The following PAWR variants were observed in gnomAD, a reference collection of about 807,000 sequenced individuals.
The protein encoded by PAWR is PRKC apoptosis WT1 regulator protein.
In PAWR, 23 loss-of-function variants were observed where a neutral mutation model predicts 32.0. That is an observed-to-expected ratio of 0.72 (90% confidence interval 0.52 to 1.02). The LOEUF is 1.02. PAWR is among the 50% of genes least tolerant of loss of function. The pLI is 0.00. For synonymous variants in PAWR, 226 were observed against 187.1 expected (o/e 1.21, Z -1.70); for missense variants, 457 against 437.7 (o/e 1.04, Z -0.39).
intron 4 of PAWR, 36 bp from the exon 5 acceptor site, chr12:79,596,694 T>C (rs768047687): frequency 2.1e-6 from 3 of 1,421,212 alleles, no homozygotes; most frequent in East Asian, 4.9e-5. Flanking sequence ...AAATCCCTAG[T>C]ATTCAGCAAG....
At chr12:79,653,759 G>C (rs901540870) in intron 2 of PAWR, among the ~76,000 whole-genome samples, 1 of 152,214 alleles carries the variant, frequency 6.6e-6, no homozygotes, top group East Asian at 1.9e-4. Flanking sequence ...GATTACAGGC[G>C]TGAGCCACTG....
In PAWR at chr12:79,638,952, G is replaced by A. The variant is rs1285074624; in HGVS notation, c.517-17745C>T. ...TTTTGAGATGGAGTCTTACTCTGTC[G>A]CCCAGGCTGGAGTGCAGTGGCATGA... On this transcript the variant is annotated intron_variant, in intron 2 of 6. Coordinates refer to ENST00000328827, the MANE Select transcript of PAWR (RefSeq NM_002583.4). Among the ~76,000 whole-genome samples the A allele has an allele frequency of 1.4e-3, 136 of 99,318 alleles. 1 individual carries two copies. The highest frequency in any genetic ancestry group is 4.6e-3 in the African/African-American group (127 of 27,768). The allele number at this position is 99,318 out of a possible 152,430, so 65.2% of individuals were successfully genotyped here.
chr12:79,641,903 A>G (rs1876345424), intron 2 of PAWR, among the ~76,000 whole-genome samples: 1 of 151,518 alleles, frequency 6.6e-6, no homozygotes, highest in Non-Finnish European at 1.5e-5. Context: ...AGAAAGCTAC[A>G]TAATAACTCC....
At chr12:79,606,762 A>G (rs1198242292) in intron 4 of PAWR, among the ~76,000 whole-genome samples, 1 of 152,198 alleles carries the variant, frequency 6.6e-6, no homozygotes, top group Non-Finnish European at 1.5e-5. Flanking sequence ...AATGCAACAT[A>G]TGCTGACACA....
In PAWR at chr12:79,621,989, T is replaced by C. The variant is rs148257021; in HGVS notation, c.517-782A>G. The stretch of plus-strand genomic sequence containing the variant: ...GCCCTAAAGGTTTCTGCATGAGAAC[T>C]CACACCCCCTCCAGACAAAAACAAA... On this transcript the variant is annotated intron_variant, in intron 2 of 6. Transcript: ENST00000328827. Among the ~76,000 whole-genome samples, 622 of 152,110 alleles carry C rather than the reference T, an allele frequency of 4.1e-3. 12 individuals are homozygous for C. Among genetic ancestry groups the C allele is most frequent in the African/African-American group, 0.014 (590 of 41,480 alleles).
At position 79,590,660 on chromosome 12, in the gene PAWR, G is replaced by A. The variant is rs1873527023; in HGVS notation, c.*1947C>T. Reference sequence around the variant, plus strand: ...TTTTCACAAGATCCAAAGTGTGGATGACGAACTAGGCAATAAGGACATGTG... The same window carrying A: ...TTTTCACAAGATCCAAAGTGTGGATAACGAACTAGGCAATAAGGACATGTG... On this transcript the variant is annotated 3_prime_UTR_variant, in exon 7 of 7. Transcript: ENST00000328827. The A allele has an allele frequency of 6.6e-6, 1 of 152,166 alleles. No individual in the cohort carries two copies. Among genetic ancestry groups the A allele is most frequent in the Non-Finnish European group, 1.5e-5 (1 of 68,034 alleles). 9.4% of individuals were successfully genotyped at this position (152,166 alleles called of 1,614,324 possible).
chr12:79,666,480 A>C (rs1277355245), intron 2 of PAWR, among the ~76,000 whole-genome samples: 1 of 152,220 alleles, frequency 6.6e-6, no homozygotes, highest in Non-Finnish European at 1.5e-5. Context: ...CCGCAAGGTC[A>C]AACTATTTTT....
At chr12:79,604,730 A>G (rs1874101116) in intron 4 of PAWR, 1 of 1,276,764 alleles carries the variant, frequency 7.8e-7, no homozygotes, top group Non-Finnish European at 1.0e-6. Context: ...TCCTTTAAAT[A>G]CAAACATACA....
chr12:79,682,865 G>T (rs1878509070), intron 2 of PAWR, among the ~76,000 whole-genome samples: 1 of 152,188 alleles, frequency 6.6e-6, no homozygotes, highest in Non-Finnish European at 1.5e-5. Context: ...TGTAAGATTT[G>T]TAATCAATGG....
At chr12:79,608,422 C>T (rs892015552) in intron 4 of PAWR, among the ~76,000 whole-genome samples, 12 of 152,188 alleles carry the variant, frequency 7.9e-5, no homozygotes, top group Admixed American at 2.0e-4. Context: ...CAATAGGGTT[C>T]GCGCGCTCCT....
intron 2 of PAWR, among the ~76,000 whole-genome samples, chr12:79,629,015 T>C (rs1448830831): frequency 6.6e-6 from 1 of 151,890 alleles, no homozygotes; most frequent in African/African-American, 2.4e-5. Flanking sequence ...TAAAAGCCAA[T>C]CAAAGAGCTT....
Position 79,639,900 on chromosome 12 carries a change from C to T in PAWR, c.517-18693G>A, listed in dbSNP as rs1022881349. Among the ~76,000 whole-genome samples the T allele has an allele frequency of 8.7e-5, 11 of 127,080 alleles. 1 individual carries two copies. Among genetic ancestry groups the T allele is most frequent in the Admixed American group, 4.2e-4 (6 of 14,202 alleles). 83.4% of individuals were successfully genotyped at this position (127,080 alleles called of 152,430 possible). On this transcript the variant is annotated intron_variant, in intron 2 of 6. Transcript: ENST00000328827. ...TATTCCTATTCCATTCCATTCCATT[C>T]CATTCCATTCCATTCTATTCTAGAG...
chr12:79,689,992 C>G lies in PAWR; in HGVS notation c.253G>C (p.Gly85Arg), dbSNP rs960437907. 14 of 1,313,176 alleles carry G rather than the reference C, an allele frequency of 1.1e-5. No homozygotes were observed. The South Asian group carries it at 3.0e-4, about 28-fold the overall frequency. The allele number at this position is 1,313,176 out of a possible 1,614,324, so 81.3% of individuals were successfully genotyped here. ...GGAPAAPAVP[G>R]PGGVNCAVGS... Reference sequence around the variant, plus strand: ...ACCGCGCAGTTCACGCCCCCGGGACCGGGGACGGCAGGTGCGGCCGGCGCG... The same window carrying G: ...ACCGCGCAGTTCACGCCCCCGGGACGGGGGACGGCAGGTGCGGCCGGCGCG... The change falls in exon 2 of 7, where the codon GGT (glycine) becomes CGT (arginine). Residue 85 changes from glycine (G) to arginine (R), a missense_variant. Gly to Arg is a moderately radical substitution (Grantham distance 125, BLOSUM62 -2). Coordinates refer to ENST00000328827, the MANE Select transcript of PAWR (RefSeq NM_002583.4).
At chr12:79,673,094 G>A (rs1270790905) in intron 2 of PAWR, among the ~76,000 whole-genome samples, 1 of 151,984 alleles carries the variant, frequency 6.6e-6, no homozygotes, top group Admixed American at 6.5e-5. Context: ...TTTTGAGACG[G>A]AGTCTTGCTC....
rs1333878499 is a variant in PAWR at position 79,588,022 on chromosome 12, T to C, written c.*4585A>G. The C allele has an allele frequency of 2.0e-5, 3 of 152,030 alleles. No homozygotes were observed. The East Asian group carries it at 5.8e-4, about 29-fold the overall frequency. The allele number at this position is 152,030 out of a possible 1,614,324, so 9.4% of individuals were successfully genotyped here. On this transcript the variant is annotated 3_prime_UTR_variant, in exon 7 of 7. Transcript: ENST00000328827. ...CAAAAGTTAAATTTTAGCTTTAATATGGTAGCAGCAGGATGCTACTTAAAT... is the reference window on the plus strand; with the variant it reads ...CAAAAGTTAAATTTTAGCTTTAATACGGTAGCAGCAGGATGCTACTTAAAT...
At chr12:79,633,721 T>C (rs939586662) in intron 2 of PAWR, among the ~76,000 whole-genome samples, 4 of 152,188 alleles carry the variant, frequency 2.6e-5, no homozygotes, top group Admixed American at 2.0e-4. Flanking sequence ...ACTCACCTCA[T>C]TTGCATCCTT....
At position 79,689,838 on chromosome 12, in the gene PAWR, T is replaced by C. The variant is rs1175979646; in HGVS notation, c.407A>G (p.Lys136Arg). The C allele has an allele frequency of 6.3e-7, 1 of 1,590,810 alleles. No individual in the cohort carries two copies. The highest frequency in any genetic ancestry group is 1.7e-5 in the Admixed American group (1 of 57,838). ...GGCACTGGGGCCCGAGCTCTTGCCCTTCTCTGGGACGCCGTCCGGCTCCTC... is the reference window on the plus strand; with the variant it reads ...GGCACTGGGGCCCGAGCTCTTGCCCCTCTCTGGGACGCCGTCCGGCTCCTC... ...DEEEPDGVPEKGKSSGPSARK... is the reference protein window; with the variant it reads ...DEEEPDGVPERGKSSGPSARK... Residue 136 changes from lysine (K) to arginine (R), a missense_variant, in exon 2 of 7, where the codon AAG becomes AGG. Coordinates refer to ENST00000328827, the MANE Select transcript of PAWR (RefSeq NM_002583.4).
chr12:79,603,552 G>A (rs776155979), intron 4 of PAWR: 3 of 151,570 alleles, frequency 2.0e-5, no homozygotes, highest in East Asian at 1.9e-4. Flanking sequence ...GTTAGTAATC[G>A]TGTATTTGCT....
intron 2 of PAWR, among the ~76,000 whole-genome samples, chr12:79,686,639 T>G (rs768468434): frequency 6.6e-6 from 1 of 152,172 alleles, no homozygotes; most frequent in Non-Finnish European, 1.5e-5. Context: ...TAAGAACCAC[T>G]GCATGTCGGT....
Sources: gnomAD v4.1 joint callset for allele counts (sites outside exome capture counted in the v4.1 genomes callset) on GRCh38, gnomAD v4.1.1 for gene constraint, MANE v1.5 for transcripts, NCBI Gene and HGNC (gene_info 2026-07-23, HGNC 2026-07-21) for gene names.